Variants in CACHD1 observed in about 807,000 individuals in gnomAD.
The protein encoded by CACHD1 is cache domain containing 1.
CACHD1 carries 71 observed loss-of-function variants against 138.7 expected under a neutral mutation model. The observed-to-expected ratio is 0.51, with a 90% CI of 0.42 to 0.62. CACHD1 has a LOEUF of 0.62. CACHD1 is among the 20% of genes least tolerant of loss of function. The probability of loss-of-function intolerance (pLI) is 0.00; values close to 1 mark genes in which losing one functional copy is unlikely to be tolerated. For missense variants in CACHD1, 1,389 were observed against 1,625.3 expected, an observed-to-expected ratio of 0.85 and a Z score of 2.50; for synonymous variants, 578 against 591.5, an observed-to-expected ratio of 0.98 and a Z score of 0.33.
At chr1:64,665,518 A>G (rs771606318) in intron 15 of CACHD1, among the ~76,000 whole-genome samples, 1 of 152,144 alleles carries the variant, frequency 6.6e-6, no homozygotes, top group Non-Finnish European at 1.5e-5. Context: ...AAATGCCCAG[A>G]TATATACTGA....
intron 1 of CACHD1, among the ~76,000 whole-genome samples, chr1:64,486,228 A>G (rs1646241088): frequency 6.6e-6 from 1 of 152,156 alleles, no homozygotes; most frequent in Admixed American, 6.5e-5. Flanking sequence ...TTTTTAAATA[A>G]TTTAATGATT....
chr1:64,596,684 C>G (rs1647155495), intron 3 of CACHD1, among the ~76,000 whole-genome samples: 2 of 152,144 alleles, frequency 1.3e-5, no homozygotes, highest in African/African-American at 2.4e-5. Flanking sequence ...GATCTGATAC[C>G]AAGTTTTGCT....
At chr1:64,677,308 C>G (rs1650030737) in intron 22 of CACHD1, among the ~76,000 whole-genome samples, 1 of 152,132 alleles carries the variant, frequency 6.6e-6, no homozygotes. Context: ...GAAGCAGAAC[C>G]CAGTGGTCAA....
intron 4 of CACHD1, among the ~76,000 whole-genome samples, chr1:64,606,817 G>T (rs562586068): frequency 1.3e-5 from 2 of 152,292 alleles, no homozygotes; most frequent in South Asian, 4.1e-4. Context: ...TTGGATGGTG[G>T]GCAGGGTAGG....
Position 64,652,184 on chromosome 1 carries a change from C to T in CACHD1, c.1414C>T (p.Pro472Ser). ...GDGLIMTVSK[P>S]CYFGNLLLGI... ...AGGTTTGATAATGACTGTGAGTAAA[C>T]CCTGTTATTTTGGAAACCTACTTCT... Residue 472 changes from proline (P) to serine (S), a missense_variant, in exon 10 of 27, where the codon CCC becomes TCC. Around this residue, in one of 5 missense-constraint regions of CACHD1, gnomAD observed 1,000 missense variants for 1,114.7 expected, o/e 0.90. Coordinates refer to ENST00000651257, the MANE Select transcript of CACHD1 (RefSeq NM_020925.4). 6.2e-7 allele frequency: 1 copy of T among 1,611,416 alleles called. No individual in the cohort carries two copies. Among genetic ancestry groups the T allele is most frequent in the Non-Finnish European group, 8.5e-7 (1 of 1,179,134 alleles).
At chr1:64,579,498 A>G (rs1646994990) in intron 2 of CACHD1, among the ~76,000 whole-genome samples, 5 of 152,202 alleles carry the variant, frequency 3.3e-5, no homozygotes, top group Admixed American at 3.3e-4. Context: ...TCTTATGTTC[A>G]TTATGTTACA....
chr1:64,653,386 TAAAAAAAAA>T (rs60661882), intron 10 of CACHD1, among the ~76,000 whole-genome samples: 1 of 108,476 alleles, frequency 9.2e-6, no homozygotes, highest in Non-Finnish European at 2.1e-5. Flanking sequence ...TAAAAGAAGT[TAAAAAAAAA>T]AAAAAAAAAA....
At chr1:64,586,339 C>T (rs543601459) in intron 3 of CACHD1, among the ~76,000 whole-genome samples, 6 of 152,356 alleles carry the variant, frequency 3.9e-5, no homozygotes, top group Admixed American at 2.0e-4. Flanking sequence ...GCTGGAATTA[C>T]AGGCTTGAGC....
At chr1:64,636,756 C>T (rs1469720484) in intron 7 of CACHD1, among the ~76,000 whole-genome samples, 3 of 152,266 alleles carry the variant, frequency 2.0e-5, no homozygotes, top group Admixed American at 6.5e-5. Flanking sequence ...AGATTACTCT[C>T]GCTTGTGATT....
chr1:64,664,715 C>T (rs368502371), intron 15 of CACHD1, 36 bp downstream of exon 15: 15 of 1,594,022 alleles, frequency 9.4e-6, no homozygotes, highest in East Asian at 2.2e-5. Context: ...AAAGGTTCTC[C>T]CCCAAATCCT....
intron 3 of CACHD1, among the ~76,000 whole-genome samples, chr1:64,587,042 C>G (rs1291492089): frequency 6.6e-6 from 1 of 152,090 alleles, no homozygotes; most frequent in Admixed American, 6.5e-5. Flanking sequence ...GATAAGAGAC[C>G]TCCAGTCTTA....
At chr1:64,660,216 T>C (rs1431116370) in intron 13 of CACHD1, among the ~76,000 whole-genome samples, 1 of 152,216 alleles carries the variant, frequency 6.6e-6, no homozygotes, top group African/African-American at 2.4e-5. Context: ...GAAAATTAGG[T>C]CACTGTTTTG....
chr1:64,675,404 G>A lies in CACHD1; in HGVS notation c.2731G>A (p.Asp911Asn). 1.9e-6 allele frequency: 3 copies of A among 1,589,830 alleles called. No homozygotes were observed. Among genetic ancestry groups the A allele is most frequent in the South Asian group, 1.1e-5 (1 of 89,424 alleles). The change falls in exon 20 of 27, where the codon GAT becomes AAT. Residue 911 changes from aspartate to asparagine, a missense_variant. Coordinates refer to ENST00000651257, the MANE Select transcript of CACHD1 (RefSeq NM_020925.4). ...FYKFNTSLAG[D>N]LTNLVHGSHC... ...TGATACCTTGATTGTTCTGTAGGGG[G>A]ATTTGACGAACCTTGTGCATGGCAG... is the stretch of plus-strand genomic sequence containing the variant.
chr1:64,564,944 AGAAGAGTTGAGC>A (rs1570370833), intron 2 of CACHD1, among the ~76,000 whole-genome samples: 1 of 152,092 alleles, frequency 6.6e-6, no homozygotes, highest in East Asian at 1.9e-4. Flanking sequence ...GAGCGGGTAC[AGAAGAGTTGAGC>A]ACTAGGCAGG....
intron 2 of CACHD1, among the ~76,000 whole-genome samples, chr1:64,567,069 C>A (rs7550185): frequency 6.6e-6 from 1 of 151,900 alleles, no homozygotes; most frequent in East Asian, 1.9e-4. Flanking sequence ...TCTGTAGATA[C>A]TGGGGAATGA....
intron 3 of CACHD1, among the ~76,000 whole-genome samples, chr1:64,590,285 G>T (rs375899050): frequency 1.4e-5 from 2 of 147,182 alleles, no homozygotes; most frequent in African/African-American, 5.0e-5. Flanking sequence ...TCGGCGCCAC[G>T]GCACTCCAGC....
intron 8 of CACHD1, among the ~76,000 whole-genome samples, chr1:64,646,121 T>C (rs1648893376): frequency 6.6e-6 from 1 of 152,162 alleles, no homozygotes; most frequent in Non-Finnish European, 1.5e-5. Context: ...CTAGTAGATA[T>C]TGTTTTCTTT....
At chr1:64,594,805 G>A (rs2100562839) in intron 3 of CACHD1, among the ~76,000 whole-genome samples, 1 of 152,266 alleles carries the variant, frequency 6.6e-6, no homozygotes, top group East Asian at 1.9e-4. Flanking sequence ...AATAGAACCT[G>A]TCTTAGCTGA....
At chr1:64,604,713 C>A (rs1332748533) in intron 4 of CACHD1, among the ~76,000 whole-genome samples, 1 of 147,072 alleles carries the variant, frequency 6.8e-6, no homozygotes. Context: ...AGTGCAGTGG[C>A]GTGATCATGG....
Sources: allele counts gnomAD v4.1 joint callset (sites outside exome capture counted in the v4.1 genomes callset), GRCh38; gene constraint gnomAD v4.1.1; regional missense constraint gnomAD v4.1.1; transcripts MANE v1.5; gene names NCBI Gene and HGNC (gene_info 2026-07-23, HGNC 2026-07-21).